The following ARHGEF11 variants were observed in gnomAD, a reference collection of about 807,000 sequenced individuals.
The protein encoded by ARHGEF11 is Rho guanine nucleotide exchange factor 11, also known as Rho guanine exchange factor (GEF) 11.
ARHGEF11 carries 55 observed loss-of-function variants against 193.7 expected under a neutral mutation model. The ratio of observed to expected loss-of-function variants is 0.28; its 90% CI spans 0.23 to 0.36. The LOEUF (loss-of-function observed/expected upper bound fraction) is 0.36, where lower values mean the gene tolerates loss of function less well. Ranked by LOEUF, ARHGEF11 falls within the 10% of genes least tolerant of loss-of-function variation. The pLI is 1.00. For missense variants in ARHGEF11, 1,723 were observed against 2,005.6 expected (o/e 0.86, Z 2.69); for synonymous variants, 693 against 768.0 (o/e 0.90, Z 1.62).
At chr1:156,985,991 G>A (rs1205972096) in intron 2 of ARHGEF11, 91 bp downstream of exon 2, 14 of 1,060,078 alleles carry the variant, frequency 1.3e-5, no homozygotes, top group South Asian at 1.2e-4. Flanking sequence ...CGGCTCAAGC[G>A]ATCCTCCCAT....
intron 1 of ARHGEF11, among the ~76,000 whole-genome samples, chr1:157,037,416 T>C (rs554042877): frequency 5.9e-4 from 90 of 152,260 alleles, no homozygotes; most frequent in Admixed American, 3.0e-3. Context: ...CCACATAAAG[T>C]CTGAATCCCT....
intron 38 of ARHGEF11, 94 bp downstream of exon 38, chr1:156,938,324 G>A (rs1655958519): frequency 1.7e-6 from 2 of 1,148,638 alleles, no homozygotes; most frequent in Non-Finnish European, 2.5e-6. Flanking sequence ...GCTTGTGGGT[G>A]TGTGTGTGAC....
chr1:157,033,209 C>T (rs1349923174), intron 1 of ARHGEF11, among the ~76,000 whole-genome samples: 1 of 152,124 alleles, frequency 6.6e-6, no homozygotes, highest in Non-Finnish European at 1.5e-5. Context: ...TGACTCCTCT[C>T]CTCCTCTCTC....
intron 1 of ARHGEF11, among the ~76,000 whole-genome samples, chr1:156,992,290 G>A (rs1665850641): frequency 6.6e-6 from 1 of 152,100 alleles, no homozygotes; most frequent in African/African-American, 2.4e-5. Flanking sequence ...AGAGTAACTC[G>A]CAGAACTCTT....
At chr1:156,967,511 C>T (rs1661836068) in intron 11 of ARHGEF11, among the ~76,000 whole-genome samples, 1 of 152,070 alleles carries the variant, frequency 6.6e-6, no homozygotes, top group African/African-American at 2.4e-5. Flanking sequence ...CTTAGGGCTC[C>T]ATGGAAGTGC....
intron 40 of ARHGEF11, chr1:156,936,307 C>A: frequency 1.5e-6 from 1 of 667,970 alleles, no homozygotes; most frequent in Non-Finnish European, 2.9e-6. Flanking sequence ...GTGTCCCTGG[C>A]CCACCCAGTG....
intron 6 of ARHGEF11, among the ~76,000 whole-genome samples, chr1:156,977,331 C>T (rs867828626): frequency 2.6e-4 from 39 of 152,338 alleles, no homozygotes; most frequent in Middle Eastern, 3.4e-3. Context: ...GTCCTGTTCC[C>T]TATACTTGTC....
In ARHGEF11 at chr1:156,956,713, A is replaced by G. The variant is rs1660013652; in HGVS notation, c.1527-149T>C. The G allele has an allele frequency of 3.3e-6, 4 of 1,225,668 alleles. No individual in the cohort carries two copies. In the Admixed American group the frequency reaches 8.1e-5, roughly 25 times the overall value. 75.9% of individuals were successfully genotyped at this position (1,225,668 alleles called of 1,614,324 possible). ...AAAGTCTAGAATAATTAAATGGGAC[A>G]GCAGGCAGAAGCTGGCTAAAAGTCT... On this transcript the variant is annotated intron_variant, in intron 18 of 40. Coordinates refer to ENST00000368194, the MANE Select transcript of ARHGEF11 (RefSeq NM_198236.3).
At chr1:156,996,006 A>G (rs1666432257) in intron 1 of ARHGEF11, among the ~76,000 whole-genome samples, 1 of 152,196 alleles carries the variant, frequency 6.6e-6, no homozygotes, top group Non-Finnish European at 1.5e-5. Context: ...TTAGACATCA[A>G]AATAAGCCTA....
At position 156,944,078 on chromosome 1, in the gene ARHGEF11, T is replaced by G; in HGVS notation, c.3092A>C (p.Asp1031Ala). 1 of 1,613,848 alleles carries G rather than the reference T, an allele frequency of 6.2e-7. No homozygotes were observed. The highest frequency in any genetic ancestry group is 1.1e-5 in the South Asian group (1 of 91,070). The stretch of plus-strand genomic sequence containing the variant: ...CTGTTTCTGTAGCAGCACTAGGAGG[T>G]CCTCCAGCAGCAGCACGTGGAGGTC... ...TLDLHVLLLE[D>A]LLVLLQKQDE... The change falls in exon 32 of 41, where the codon GAC becomes GCC. Residue 1031 changes from aspartate to alanine, a missense_variant. Transcript: ENST00000368194.
chr1:156,982,275 T>C (rs1415388788), intron 3 of ARHGEF11, among the ~76,000 whole-genome samples: 2 of 151,888 alleles, frequency 1.3e-5, no homozygotes, highest in East Asian at 1.9e-4. Context: ...AGAATCACTG[T>C]GGGAATTTTT....
At chr1:157,040,904 T>C (rs907757761) in intron 1 of ARHGEF11, among the ~76,000 whole-genome samples, 3 of 152,190 alleles carry the variant, frequency 2.0e-5, no homozygotes, top group African/African-American at 4.8e-5. Context: ...TGACACACCA[T>C]ATAAAAATGT....
rs1335192412 is a variant in ARHGEF11 at position 156,961,781 on chromosome 1, A to G, written c.1141-6T>C. 6.2e-7 allele frequency: 1 copy of G among 1,613,812 alleles called. No homozygotes were observed. The highest frequency in any genetic ancestry group is 1.7e-5 in the Admixed American group (1 of 60,028). On this transcript the variant is annotated splice_region_variant and splice_polypyrimidine_tract_variant and intron_variant, in intron 13 of 40. Coordinates refer to ENST00000368194, the MANE Select transcript of ARHGEF11 (RefSeq NM_198236.3). ...TCTGCACACAGGTAAAAAAGCTAGG[A>G]GGAGAGAGAACTGGGTTAGAGCAGT...
At chr1:156,985,953 G>T in intron 2 of ARHGEF11, 129 bp downstream of exon 2, 1 of 705,660 alleles carries the variant, frequency 1.4e-6, no homozygotes. Flanking sequence ...CACCTGACTG[G>T]CATAGCACAC....
intron 1 of ARHGEF11, among the ~76,000 whole-genome samples, chr1:157,018,204 A>T (rs114842242): frequency 0.018 from 2,673 of 152,280 alleles, 78 homozygotes; most frequent in African/African-American, 0.062. Flanking sequence ...AAGAAGAAAT[A>T]CATGGTATTT....
In ARHGEF11 at chr1:156,963,210, C is replaced by G. The variant is rs1245214349; in HGVS notation, c.1133G>C (p.Ser378Thr). The G allele has an allele frequency of 6.2e-7, 1 of 1,613,424 alleles. No homozygotes were observed. Among genetic ancestry groups the G allele is most frequent in the Non-Finnish European group, 8.5e-7 (1 of 1,179,378 alleles). Reference sequence around the variant, plus strand: ...CAGATGATTCTGACTTACCAGTGGACTGGGGTCCGCCTGAGAGAAGATGTA... The same window carrying G: ...CAGATGATTCTGACTTACCAGTGGAGTGGGGTCCGCCTGAGAGAAGATGTA... ...LRYIFSQADP[S>T]PLLFYLCAEV... Residue 378 changes from serine to threonine, a missense_variant, in exon 13 of 41, where the codon AGT becomes ACT. This residue lies in a region of ARHGEF11 where 646 missense variants were observed against 710.7 expected (regional missense o/e 0.91). Coordinates refer to ENST00000368194, the MANE Select transcript of ARHGEF11 (RefSeq NM_198236.3).
intron 1 of ARHGEF11, among the ~76,000 whole-genome samples, chr1:157,002,203 G>A (rs780732508): frequency 6.6e-6 from 1 of 152,006 alleles, no homozygotes; most frequent in Non-Finnish European, 1.5e-5. Flanking sequence ...GGACCACCTC[G>A]AACAGGGCAA....
chr1:156,982,918 T>TA (rs1402381678), intron 3 of ARHGEF11, among the ~76,000 whole-genome samples: 1 of 152,226 alleles, frequency 6.6e-6, no homozygotes, highest in Non-Finnish European at 1.5e-5. Flanking sequence ...AAGCCATACT[T>TA]ATTTATATCC....
chr1:156,954,102 G>A (rs111426166), intron 21 of ARHGEF11, among the ~76,000 whole-genome samples: 175 of 151,802 alleles, frequency 1.2e-3, no homozygotes, highest in African/African-American at 3.9e-3. Context: ...GGCACTGACC[G>A]GGCGCAGTGG....
Sources: gnomAD v4.1 joint callset for allele counts (sites outside exome capture counted in the v4.1 genomes callset) on GRCh38, gnomAD v4.1.1 for gene constraint, gnomAD v4.1.1 regional missense constraint, MANE v1.5 for transcripts, NCBI Gene and HGNC (gene_info 2026-07-23, HGNC 2026-07-21) for gene names.